Variants in ERBB4 observed in about 807,000 individuals in gnomAD.
ERBB4 encodes the protein receptor tyrosine-protein kinase erbB-4.
A neutral mutation model predicts 158.0 loss-of-function variants in ERBB4; 42 were observed. The ratio of observed to expected loss-of-function variants is 0.27; its 90% CI spans 0.21 to 0.34. The LOEUF (loss-of-function observed/expected upper bound fraction) is 0.34. Ranked by LOEUF, ERBB4 falls within the 10% of genes least tolerant of loss-of-function variation. ERBB4 has a pLI of 1.00. For missense variants in ERBB4, 1,333 were observed against 1,624.1 expected (o/e 0.82, Z 3.08); for synonymous variants, 583 against 558.7 (o/e 1.04, Z -0.61).
intron 25 of ERBB4, among the ~76,000 whole-genome samples, chr2:211,392,482 ATATT>A (rs990366307): frequency 1.2e-4 from 18 of 151,840 alleles, no homozygotes; most frequent in East Asian, 3.9e-4. Flanking sequence ...ATGTATACAT[ATATT>A]TATTTATTTA....
intron 13 of ERBB4, among the ~76,000 whole-genome samples, chr2:211,674,378 AAAG>A (rs889744795): frequency 3.3e-4 from 51 of 152,246 alleles, no homozygotes; most frequent in African/African-American, 1.2e-3. Flanking sequence ...TTAATAAATG[AAAG>A]AAGTACAATG....
At chr2:211,465,898 T>C (rs1415621406) in intron 20 of ERBB4, among the ~76,000 whole-genome samples, 1 of 152,146 alleles carries the variant, frequency 6.6e-6, no homozygotes, top group African/African-American at 2.4e-5. Flanking sequence ...TGCACTTTGA[T>C]GAATAAGTCA....
intron 2 of ERBB4, among the ~76,000 whole-genome samples, chr2:212,058,874 C>T (rs1254140279): frequency 2.6e-5 from 4 of 152,138 alleles, no homozygotes; most frequent in Non-Finnish European, 4.4e-5. Flanking sequence ...CCTTTGAAAA[C>T]TGGCACAAGA....
At chr2:212,152,942 T>C (rs2080918597) in intron 1 of ERBB4, among the ~76,000 whole-genome samples, 2 of 152,168 alleles carry the variant, frequency 1.3e-5, no homozygotes, top group South Asian at 4.1e-4. Flanking sequence ...GTTCCACAGT[T>C]TCCACATTTT....
chr2:212,405,300 C>G (rs959587137), intron 1 of ERBB4, among the ~76,000 whole-genome samples: 4 of 151,990 alleles, frequency 2.6e-5, no homozygotes, highest in African/African-American at 4.8e-5. Flanking sequence ...CCATCTCACA[C>G]CAGTCAGAAT....
intron 4 of ERBB4, among the ~76,000 whole-genome samples, chr2:211,776,606 T>C (rs1411871867): frequency 6.6e-6 from 1 of 152,224 alleles, no homozygotes; most frequent in Non-Finnish European, 1.5e-5. Context: ...TGTCTTGCTT[T>C]GAATACTTAA....
At chr2:212,394,897 C>A (rs1016364282) in intron 1 of ERBB4, among the ~76,000 whole-genome samples, 2 of 152,124 alleles carry the variant, frequency 1.3e-5, no homozygotes, top group African/African-American at 4.8e-5. Flanking sequence ...TTGGGATACA[C>A]TGACCTGAAG....
At chr2:212,211,744 A>G (rs994281617) in intron 1 of ERBB4, among the ~76,000 whole-genome samples, 3 of 151,586 alleles carry the variant, frequency 2.0e-5, no homozygotes, top group African/African-American at 7.3e-5. Context: ...TCATACCCCA[A>G]CAGGGCCTGG....
intron 2 of ERBB4, among the ~76,000 whole-genome samples, chr2:211,988,020 G>T (rs916725616): frequency 3.3e-5 from 5 of 152,046 alleles, no homozygotes; most frequent in African/African-American, 1.2e-4. Flanking sequence ...CTTTTAAAAT[G>T]TACTTGTTAG....
intron 20 of ERBB4, among the ~76,000 whole-genome samples, chr2:211,432,945 C>T (rs2063774337): frequency 6.6e-6 from 1 of 152,106 alleles, no homozygotes. Flanking sequence ...TATTCTGAGG[C>T]CCTTATGTAG....
At chr2:211,555,195 T>A (rs1365342534) in intron 20 of ERBB4, among the ~76,000 whole-genome samples, 1 of 152,182 alleles carries the variant, frequency 6.6e-6, no homozygotes, top group Non-Finnish European at 1.5e-5. Flanking sequence ...TGTTTTCTTT[T>A]TTTTTTTGAG....
intron 2 of ERBB4, among the ~76,000 whole-genome samples, chr2:211,980,548 A>G (rs1365110183): frequency 6.6e-6 from 1 of 152,168 alleles, no homozygotes; most frequent in Non-Finnish European, 1.5e-5. Flanking sequence ...ATGTAAGTAC[A>G]GTCATCCCTT....
At chr2:211,686,477 T>C (rs1000773396) in intron 12 of ERBB4, among the ~76,000 whole-genome samples, 1 of 152,216 alleles carries the variant, frequency 6.6e-6, no homozygotes, top group African/African-American at 2.4e-5. Flanking sequence ...ATTCTTTGTA[T>C]ATATTGCTGA....
chr2:211,496,024 C>T (rs1005951361), intron 20 of ERBB4, among the ~76,000 whole-genome samples: 3 of 152,108 alleles, frequency 2.0e-5, no homozygotes, highest in East Asian at 1.9e-4. Context: ...ATCAACAGCA[C>T]TGACATAGTT....
intron 1 of ERBB4, among the ~76,000 whole-genome samples, chr2:212,331,058 G>GTATATTATATATATATATATATATA (rs2088119957): frequency 1.8e-5 from 1 of 56,268 alleles, no homozygotes; most frequent in African/African-American, 4.0e-5. Context: ...TTTGTAATTT[G>GTATATTATATATATATATATATATA]TATATATATA....
At chr2:212,190,396 G>T (rs2082151530) in intron 1 of ERBB4, among the ~76,000 whole-genome samples, 1 of 152,104 alleles carries the variant, frequency 6.6e-6, no homozygotes, top group Non-Finnish European at 1.5e-5. Flanking sequence ...AATTAGCCGG[G>T]CGTGGTGGCA....
At chr2:212,164,923 C>T (rs925098436) in intron 1 of ERBB4, among the ~76,000 whole-genome samples, 4 of 150,178 alleles carry the variant, frequency 2.7e-5, no homozygotes, top group Non-Finnish European at 5.9e-5. Context: ...TTAAGAACTA[C>T]TTGCCCTTAT....
chr2:212,236,942 AG>A (rs1164537433), intron 1 of ERBB4, among the ~76,000 whole-genome samples: 1 of 152,012 alleles, frequency 6.6e-6, no homozygotes, highest in African/African-American at 2.4e-5. Flanking sequence ...GCTTTTTTGA[AG>A]GGTTTTTCAT....
At position 211,610,953 on chromosome 2, in the gene ERBB4, A is replaced by G. The variant is rs577713308; in HGVS notation, c.2301+8224T>C. On this transcript the variant is annotated intron_variant, in intron 19 of 27. Coordinates refer to ENST00000342788, the MANE Select transcript of ERBB4 (RefSeq NM_005235.3). ...CTGGATAGTCTCTTTTAGGTACTTC[A>G]ATGGAGAAATTAAGCCTGTTGGAAT... is the stretch of plus-strand genomic sequence containing the variant. Among the ~76,000 whole-genome samples, 3 of 152,200 alleles carry G rather than the reference A, an allele frequency of 2.0e-5. No homozygotes were observed. The South Asian group carries it at 6.2e-4, about 32-fold the overall frequency.
Sources: allele counts gnomAD v4.1 joint callset (sites outside exome capture counted in the v4.1 genomes callset), GRCh38; gene constraint gnomAD v4.1.1; transcripts MANE v1.5; gene names NCBI Gene and HGNC (gene_info 2026-07-23, HGNC 2026-07-21).